SORCS2: variants seen among roughly 807,000 people sequenced by gnomAD.
The protein encoded by SORCS2 is sortilin related VPS10 domain containing receptor 2, also known as VPS10 domain-containing receptor SorCS2.
SORCS2 carries 100 observed loss-of-function variants against 141.6 expected under a neutral mutation model. The ratio of observed to expected loss-of-function variants is 0.71; its 90% CI spans 0.60 to 0.83. SORCS2 has a LOEUF of 0.83. Among genes scored for constraint, SORCS2 ranks in the 40% least tolerant of loss-of-function variants. The pLI is 0.00. For synonymous variants in SORCS2, 789 were observed against 676.9 expected, an observed-to-expected ratio of 1.17 and a Z score of -2.57; for missense variants, 1,646 against 1,560.2, an observed-to-expected ratio of 1.05 and a Z score of -0.93.
intron 14 of SORCS2, 122 bp from the exon 15 acceptor site, chr4:7,712,608 CAGG>C: frequency 2.2e-6 from 3 of 1,384,968 alleles, no homozygotes; most frequent in Non-Finnish European, 3.0e-6. Context: ...CCAGCAAGGG[CAGG>C]AGAAGGATAT....
At chr4:7,640,200 G>C (rs111203708) in intron 4 of SORCS2, among the ~76,000 whole-genome samples, 2 of 149,040 alleles carry the variant, frequency 1.3e-5, no homozygotes, top group African/African-American at 5.0e-5. Flanking sequence ...GTGAGTGTGA[G>C]TGTGTACATG....
At chr4:7,318,640 G>A (rs1468975328) in intron 1 of SORCS2, among the ~76,000 whole-genome samples, 1 of 152,172 alleles carries the variant, frequency 6.6e-6, no homozygotes, top group Non-Finnish European at 1.5e-5. Context: ...ACTGGTGCAT[G>A]GCTAGTACTG....
intron 1 of SORCS2, among the ~76,000 whole-genome samples, chr4:7,240,006 A>G (rs1295113089): frequency 6.6e-6 from 1 of 152,124 alleles, no homozygotes; most frequent in East Asian, 1.9e-4. Flanking sequence ...AGCACAGGAA[A>G]GCTCTGCTCT....
At chr4:7,265,612 C>T (rs1290243055) in intron 1 of SORCS2, among the ~76,000 whole-genome samples, 1 of 152,232 alleles carries the variant, frequency 6.6e-6, no homozygotes, top group Admixed American at 6.5e-5. Flanking sequence ...GGCATCATCC[C>T]AGTCTGTGCC....
chr4:7,477,264 G>T (rs1282112334), intron 2 of SORCS2, among the ~76,000 whole-genome samples: 5 of 46,186 alleles, frequency 1.1e-4, no homozygotes, highest in African/African-American at 2.8e-4. Context: ...TGGCTATGGG[G>T]ACAGCTTCTA....
chr4:7,634,985 G>T (rs912434870), intron 3 of SORCS2, among the ~76,000 whole-genome samples: 2 of 152,228 alleles, frequency 1.3e-5, no homozygotes, highest in Non-Finnish European at 1.5e-5. Flanking sequence ...AAAGTCCCCA[G>T]ACTGCCCCAG....
At chr4:7,235,315 C>T (rs955024421) in intron 1 of SORCS2, among the ~76,000 whole-genome samples, 4 of 152,252 alleles carry the variant, frequency 2.6e-5, no homozygotes, top group Non-Finnish European at 4.4e-5. Flanking sequence ...CGCCAGGACC[C>T]TCCTTCTTAG....
At chr4:7,523,019 A>C (rs1373890275) in intron 2 of SORCS2, among the ~76,000 whole-genome samples, 168 of 70,622 alleles carry the variant, frequency 2.4e-3, no homozygotes, top group African/African-American at 3.2e-3. Context: ...CCTCTTTGTC[A>C]CTCCCTCCCT....
chr4:7,470,135 T>C (rs1471958251), intron 2 of SORCS2, among the ~76,000 whole-genome samples: 1 of 152,018 alleles, frequency 6.6e-6, no homozygotes, highest in Non-Finnish European at 1.5e-5. Flanking sequence ...CTGTCCAGGG[T>C]CAAACAGTGA....
intron 2 of SORCS2, among the ~76,000 whole-genome samples, chr4:7,527,529 G>A (rs754334063): frequency 6.6e-6 from 1 of 152,192 alleles, no homozygotes. Context: ...CAGGGCATGG[G>A]TTCTCCTCTG....
intron 1 of SORCS2, among the ~76,000 whole-genome samples, chr4:7,210,802 C>T (rs531840047): frequency 2.6e-5 from 4 of 152,268 alleles, no homozygotes; most frequent in Non-Finnish European, 5.9e-5. Flanking sequence ...GCAGTGTCCA[C>T]TTCTCTTATT....
intron 10 of SORCS2, among the ~76,000 whole-genome samples, chr4:7,686,308 T>C (rs1231358200): frequency 6.6e-6 from 1 of 152,252 alleles, no homozygotes; most frequent in Non-Finnish European, 1.5e-5. Context: ...GTCACTCTTC[T>C]AAGGCGTGAG....
At chr4:7,520,917 A>G (rs1433796706) in intron 2 of SORCS2, among the ~76,000 whole-genome samples, 1 of 152,226 alleles carries the variant, frequency 6.6e-6, no homozygotes, top group East Asian at 1.9e-4. Context: ...GGTGGGTGCC[A>G]TGCCACCCCA....
chr4:7,686,089 A>T (rs762160345), intron 10 of SORCS2, among the ~76,000 whole-genome samples: 1 of 152,116 alleles, frequency 6.6e-6, no homozygotes, highest in Non-Finnish European at 1.5e-5. Flanking sequence ...TTTTTCTCTG[A>T]ACTCTGGGTC....
intron 12 of SORCS2, among the ~76,000 whole-genome samples, chr4:7,698,385 G>A (rs972165172): frequency 4.6e-5 from 7 of 152,330 alleles, no homozygotes; most frequent in Admixed American, 4.6e-4. Flanking sequence ...AGCCTGGGTT[G>A]AAGGCCTTGA....
At chr4:7,208,537 C>T (rs1177333135) in intron 1 of SORCS2, among the ~76,000 whole-genome samples, 2 of 152,318 alleles carry the variant, frequency 1.3e-5, no homozygotes, top group South Asian at 2.1e-4. Flanking sequence ...TTGTACACCC[C>T]GGCAGCCGCA....
intron 2 of SORCS2, among the ~76,000 whole-genome samples, chr4:7,461,220 C>T (rs1729287406): frequency 6.6e-6 from 1 of 152,212 alleles, no homozygotes; most frequent in African/African-American, 2.4e-5. Flanking sequence ...TGCCTTCGCT[C>T]TTTCCCTCTG....
chr4:7,419,056 T>C (rs1349550161), intron 2 of SORCS2, among the ~76,000 whole-genome samples: 2 of 152,188 alleles, frequency 1.3e-5, no homozygotes, highest in Non-Finnish European at 2.9e-5. Flanking sequence ...CAAATCTCAT[T>C]GGCCAAAGCA....
At chr4:7,309,088 C>T (rs1179231284) in intron 1 of SORCS2, among the ~76,000 whole-genome samples, 1 of 152,196 alleles carries the variant, frequency 6.6e-6, no homozygotes, top group Non-Finnish European at 1.5e-5. Flanking sequence ...TAGCACCAGG[C>T]GGGCTGGGAG....
Sources: allele counts gnomAD v4.1 joint callset (sites outside exome capture counted in the v4.1 genomes callset), GRCh38; gene constraint gnomAD v4.1.1; transcripts MANE v1.5; gene names NCBI Gene and HGNC (gene_info 2026-07-23, HGNC 2026-07-21).